SHTN1: variants seen among roughly 807,000 people sequenced by gnomAD.
SHTN1 encodes shootin-1.
SHTN1 carries 42 observed loss-of-function variants against 83.1 expected under a neutral mutation model. The ratio of observed to expected loss-of-function variants is 0.51; its 90% confidence interval spans 0.39 to 0.65. The LOEUF (loss-of-function observed/expected upper bound fraction) is 0.65. SHTN1 is among the 30% of genes least tolerant of loss of function. The pLI is 0.00. For missense variants in SHTN1, 622 were observed against 737.8 expected, an observed-to-expected ratio of 0.84 and a Z score of 1.82; for synonymous variants, 224 against 247.7, an observed-to-expected ratio of 0.90 and a Z score of 0.90.
At chr10:117,069,382 A>C (rs1380916306) in intron 1 of SHTN1, among the ~76,000 whole-genome samples, 2 of 152,084 alleles carry the variant, frequency 1.3e-5, no homozygotes, top group African/African-American at 4.8e-5. Context: ...GATCACTCTC[A>C]AGTGGCCTGG....
chr10:116,903,393 T>C (rs1382637881), intron 15 of SHTN1, among the ~76,000 whole-genome samples: 1 of 151,940 alleles, frequency 6.6e-6, no homozygotes, highest in Non-Finnish European at 1.5e-5. Context: ...GGTTTGATGG[T>C]GGGCGCCTGT....
intron 1 of SHTN1, among the ~76,000 whole-genome samples, chr10:117,124,672 C>G (rs1853977595): frequency 6.6e-6 from 1 of 152,152 alleles, no homozygotes; most frequent in Non-Finnish European, 1.5e-5. Context: ...ACTCAGGAGG[C>G]TGAAGCAGGG....
At chr10:116,891,702 A>T (rs1021687655) in intron 16 of SHTN1, among the ~76,000 whole-genome samples, 1 of 152,118 alleles carries the variant, frequency 6.6e-6, no homozygotes, top group Non-Finnish European at 1.5e-5. Flanking sequence ...TGGAAACCCT[A>T]TTTTTCAGGA....
intron 1 of SHTN1, among the ~76,000 whole-genome samples, chr10:117,051,359 T>G (rs1290078665): frequency 6.6e-6 from 1 of 152,102 alleles, no homozygotes; most frequent in Non-Finnish European, 1.5e-5. Flanking sequence ...AACACTAATC[T>G]TTTTCAAATA....
intron 1 of SHTN1, among the ~76,000 whole-genome samples, chr10:116,990,342 T>TTC (rs1368156044): frequency 7.0e-6 from 1 of 142,258 alleles, no homozygotes; most frequent in Non-Finnish European, 1.5e-5. Context: ...CGTAAGAAGA[T>TTC]TCTCCTTCCA....
intron 1 of SHTN1, among the ~76,000 whole-genome samples, chr10:117,114,841 C>G (rs201714392): frequency 6.6e-6 from 1 of 152,208 alleles, no homozygotes. Context: ...GTTCTGCACA[C>G]TGTAATTCTT....
rs539256244 is a variant in SHTN1, at chr10:116,949,255, T to C, written c.535-258A>G. On this transcript the variant is annotated intron_variant, in intron 6 of 16. Transcript: ENST00000355371. Reference sequence around the variant, plus strand: ...GCACTGGCACCTAAACATAACAGTATGCTAGCCATCCAATGTATATGATAC... The same window carrying C: ...GCACTGGCACCTAAACATAACAGTACGCTAGCCATCCAATGTATATGATAC... 4.1e-4 allele frequency among the ~76,000 whole-genome samples: 63 copies of C among 152,278 alleles called. 1 individual carries two copies. The highest frequency in any genetic ancestry group is 1.3e-3 in the African/African-American group (55 of 41,566).
At chr10:116,890,549 C>T (rs916026755) in intron 16 of SHTN1, among the ~76,000 whole-genome samples, 5 of 152,272 alleles carry the variant, frequency 3.3e-5, no homozygotes, top group African/African-American at 9.6e-5. Flanking sequence ...ATATTTTTCA[C>T]GGGTCATATT....
intron 1 of SHTN1, among the ~76,000 whole-genome samples, chr10:117,049,603 T>C (rs944838672): frequency 2.0e-5 from 3 of 152,290 alleles, no homozygotes; most frequent in Admixed American, 2.0e-4. Flanking sequence ...GTTTGTTGAA[T>C]GAATGAATGG....
intron 16 of SHTN1, 27 bp downstream of exon 16, chr10:116,901,738 C>A: frequency 1.3e-6 from 2 of 1,546,500 alleles, no homozygotes; most frequent in South Asian, 2.5e-5. Flanking sequence ...TTCTATACAC[C>A]ACTTAGTAAA....
intron 14 of SHTN1, chr10:116,908,030 C>A: frequency 2.2e-6 from 1 of 451,068 alleles, no homozygotes; most frequent in Non-Finnish European, 4.4e-6. Context: ...CTTGTAAAAT[C>A]AGATGGTTAC....
At chr10:116,985,756 T>A (rs1482751792) in intron 1 of SHTN1, among the ~76,000 whole-genome samples, 2 of 152,216 alleles carry the variant, frequency 1.3e-5, no homozygotes, top group Non-Finnish European at 2.9e-5. Context: ...TCTTTGATAC[T>A]CAGGGAGTTT....
chr10:117,032,521 A>C (rs1405660368), intron 2 of SHTN1, among the ~76,000 whole-genome samples: 2 of 152,160 alleles, frequency 1.3e-5, no homozygotes, highest in East Asian at 3.8e-4. Context: ...AATTTTAAAT[A>C]AACATGCACC....
chr10:116,915,225 T>A (rs898015314), intron 13 of SHTN1, 150 bp downstream of exon 13: 1 of 582,262 alleles, frequency 1.7e-6, no homozygotes, highest in East Asian at 2.9e-5. Flanking sequence ...TCCTGAAACA[T>A]GCTTATGTGG....
intron 1 of SHTN1, among the ~76,000 whole-genome samples, chr10:117,004,250 G>A (rs367811718): frequency 5.3e-5 from 8 of 152,252 alleles, no homozygotes; most frequent in African/African-American, 1.4e-4. Flanking sequence ...AATGATAAGT[G>A]TTTAAATGTG....
At chr10:116,886,779 A>G (rs1005883384) in intron 16 of SHTN1, among the ~76,000 whole-genome samples, 1 of 152,234 alleles carries the variant, frequency 6.6e-6, no homozygotes, top group African/African-American at 2.4e-5. Flanking sequence ...AGAAGAAAGA[A>G]GGCAGAGAAA....
intron 1 of SHTN1, among the ~76,000 whole-genome samples, chr10:116,995,217 T>C (rs1851585506): frequency 1.3e-5 from 2 of 152,160 alleles, no homozygotes; most frequent in Admixed American, 1.3e-4. Context: ...CCTAAAGTTT[T>C]GGGTCTTCAA....
At chr10:117,109,048 A>G (rs1457310961) in intron 1 of SHTN1, among the ~76,000 whole-genome samples, 1 of 152,206 alleles carries the variant, frequency 6.6e-6, no homozygotes, top group Non-Finnish European at 1.5e-5. Flanking sequence ...TACAAGATCT[A>G]CCGGTGATAC....
chr10:116,956,792 T>C (rs1401242751), intron 4 of SHTN1, among the ~76,000 whole-genome samples: 1 of 152,126 alleles, frequency 6.6e-6, no homozygotes, highest in Non-Finnish European at 1.5e-5. Context: ...ATACAATTAC[T>C]CTACTTAACA....
Sources: gnomAD v4.1 joint callset for allele counts (sites outside exome capture counted in the v4.1 genomes callset) on GRCh38, gnomAD v4.1.1 for gene constraint, MANE v1.5 for transcripts, NCBI Gene and HGNC (gene_info 2026-07-23, HGNC 2026-07-21) for gene names.